Variants in SGCD observed in about 807,000 individuals in gnomAD.
The protein encoded by SGCD is delta-sarcoglycan.
SGCD carries 18 observed loss-of-function variants against 36.6 expected under a neutral mutation model. That is an observed-to-expected ratio of 0.49 (90% CI 0.34 to 0.73). The LOEUF (loss-of-function observed/expected upper bound fraction) is 0.73, where lower values mean the gene tolerates loss of function less well. Among genes scored for constraint, SGCD ranks in the 30% least tolerant of loss-of-function variants. The pLI is 0.01. For missense variants in SGCD, 387 were observed against 346.7 expected (o/e 1.12, Z -0.92); for synonymous variants, 133 against 130.6 (o/e 1.02, Z -0.12).
chr5:156,569,606 CA>C (rs11364707), intron 4 of SGCD, among the ~76,000 whole-genome samples: 33,786 of 124,284 alleles, frequency 0.27, 4,310 homozygotes, highest in Non-Finnish European at 0.35. Context: ...GACCCTGTCT[CA>C]AAAAAAAAAA....
intron 1 of SGCD, among the ~76,000 whole-genome samples, chr5:155,910,061 T>C (rs1168307606): frequency 6.6e-6 from 1 of 151,994 alleles, no homozygotes; most frequent in Non-Finnish European, 1.5e-5. Flanking sequence ...AGAGGTTGTA[T>C]TGTATTATGA....
chr5:156,532,195 T>G (rs2113105063), intron 4 of SGCD, among the ~76,000 whole-genome samples: 1 of 152,346 alleles, frequency 6.6e-6, no homozygotes, highest in East Asian at 1.9e-4. Flanking sequence ...AAATGAGGAA[T>G]GCTTGGGAAG....
chr5:156,734,136 G>A (rs375340514), intron 7 of SGCD, among the ~76,000 whole-genome samples: 2 of 152,046 alleles, frequency 1.3e-5, no homozygotes, highest in Non-Finnish European at 2.9e-5. Context: ...GTCTGAAAAT[G>A]ATCTTATTTC....
chr5:156,449,084 T>C (rs1313651110), intron 3 of SGCD, among the ~76,000 whole-genome samples: 1 of 152,152 alleles, frequency 6.6e-6, no homozygotes, highest in Non-Finnish European at 1.5e-5. Context: ...GTCTTTATTT[T>C]GCTTTTCTAT....
intron 7 of SGCD, among the ~76,000 whole-genome samples, chr5:156,722,607 T>C (rs931160656): frequency 2.6e-5 from 4 of 152,232 alleles, no homozygotes; most frequent in Non-Finnish European, 4.4e-5. Flanking sequence ...AAGCCTAAAA[T>C]ACAATGTGTA....
intron 3 of SGCD, among the ~76,000 whole-genome samples, chr5:156,219,156 T>C (rs1265672108): frequency 6.6e-6 from 1 of 152,250 alleles, no homozygotes; most frequent in African/African-American, 2.4e-5. Context: ...AGCTAGATTC[T>C]TACTTTGCAA....
At chr5:156,269,403 G>T (rs1766096959) in intron 3 of SGCD, among the ~76,000 whole-genome samples, 1 of 147,318 alleles carries the variant, frequency 6.8e-6, no homozygotes, top group Non-Finnish European at 1.5e-5. Flanking sequence ...CTGGGAGGCG[G>T]AGCCTGCAGT....
chr5:156,145,676 T>A (rs948142091), intron 3 of SGCD, among the ~76,000 whole-genome samples: 2 of 151,768 alleles, frequency 1.3e-5, no homozygotes, highest in African/African-American at 4.8e-5. Context: ...AAGTATAGAG[T>A]CCAAGAACTT....
intron 3 of SGCD, among the ~76,000 whole-genome samples, chr5:156,375,148 A>G (rs1311587664): frequency 6.6e-6 from 1 of 151,496 alleles, no homozygotes; most frequent in Non-Finnish European, 1.5e-5. Flanking sequence ...CTCTCTGTCA[A>G]CCTCTCTCTT....
intron 1 of SGCD, among the ~76,000 whole-genome samples, chr5:155,875,568 G>T (rs1580964941): frequency 6.6e-6 from 1 of 151,756 alleles, no homozygotes; most frequent in East Asian, 1.9e-4. Flanking sequence ...CATCGGCCTT[G>T]CACGAAGCTG....
chr5:156,668,365 T>C (rs1315252740), intron 7 of SGCD, among the ~76,000 whole-genome samples: 1 of 152,220 alleles, frequency 6.6e-6, no homozygotes, highest in African/African-American at 2.4e-5. Context: ...TATCGTACTA[T>C]AGTTTGAATT....
chr5:156,531,653 G>A (rs1384198416), intron 4 of SGCD, among the ~76,000 whole-genome samples: 29 of 152,052 alleles, frequency 1.9e-4, no homozygotes, highest in Non-Finnish European at 4.3e-4. Flanking sequence ...TGGCCCATAT[G>A]GCAAAAAGTC....
chr5:156,528,945 T>C (rs1448116271), intron 4 of SGCD, among the ~76,000 whole-genome samples: 1 of 152,226 alleles, frequency 6.6e-6, no homozygotes, highest in Non-Finnish European at 1.5e-5. Context: ...GACTAGTTGC[T>C]GCTGAGACTG....
intron 1 of SGCD, among the ~76,000 whole-genome samples, chr5:156,025,671 A>T (rs1759212198): frequency 6.6e-6 from 1 of 152,174 alleles, no homozygotes; most frequent in Non-Finnish European, 1.5e-5. Context: ...CATATTTCCT[A>T]ATCCCCTTGG....
At chr5:155,766,671 A>C in the SGCD span, among the ~76,000 whole-genome samples, 2 of 152,184 alleles carry the variant, frequency 1.3e-5, no homozygotes, top group Admixed American at 1.3e-4. Flanking sequence ...ACATTACATT[A>C]AGAATTACCA....
At chr5:155,859,415 ATT>A in the SGCD span, among the ~76,000 whole-genome samples, 6 of 152,228 alleles carry the variant, frequency 3.9e-5, no homozygotes, top group East Asian at 1.2e-3. Flanking sequence ...AAATTGACCA[ATT>A]TTATGTGTAC....
the SGCD span, among the ~76,000 whole-genome samples, chr5:155,775,956 A>T: frequency 2.0e-5 from 3 of 152,188 alleles, no homozygotes; most frequent in Admixed American, 6.5e-5. Flanking sequence ...ATATTAATCA[A>T]TGCACTTTTG....
chr5:156,334,526 T>C (rs1183074174), intron 2 of SGCD, among the ~76,000 whole-genome samples: 1 of 151,924 alleles, frequency 6.6e-6, no homozygotes, highest in Non-Finnish European at 1.5e-5. Flanking sequence ...AACTATAGCC[T>C]TTTCCATGAG....
At chr5:155,816,327 T>A in the SGCD span, among the ~76,000 whole-genome samples, 4 of 152,116 alleles carry the variant, frequency 2.6e-5, no homozygotes, top group African/African-American at 9.7e-5. Context: ...AGATAACCGA[T>A]TAACATATTT....
Sources: gnomAD v4.1 joint callset for allele counts (sites outside exome capture counted in the v4.1 genomes callset) on GRCh38, gnomAD v4.1.1 for gene constraint, MANE v1.5 for transcripts, NCBI Gene and HGNC (gene_info 2026-07-23, HGNC 2026-07-21) for gene names.